ERICH1: variants seen among roughly 807,000 people sequenced by gnomAD.
ERICH1 encodes glutamate-rich protein 1.
Under a neutral mutation model 39.6 loss-of-function variants are expected in ERICH1, and 56 were observed. That is an observed-to-expected ratio of 1.41 (90% CI 1.14 to 1.77). The LOEUF (loss-of-function observed/expected upper bound fraction) is 1.77, where lower values mean the gene tolerates loss of function less well. Among genes scored for constraint, ERICH1 ranks in the 40% most tolerant of loss-of-function variants. ERICH1 has a pLI of 0.00. For synonymous variants in ERICH1, 313 were observed against 223.6 expected, an observed-to-expected ratio of 1.40 and a Z score of -3.57; for missense variants, 826 against 575.4, an observed-to-expected ratio of 1.44 and a Z score of -4.45.
At chr8:674,188 T>G (rs1325561553) in intron 3 of ERICH1, 141 bp from the exon 4 acceptor site, 2 of 990,528 alleles carry the variant, frequency 2.0e-6, no homozygotes, top group Admixed American at 3.2e-5. Context: ...ATTCTCAACT[T>G]TACCATCAAA....
chr8:671,856 T>C, intron 4 of ERICH1: 1 of 165,592 alleles, frequency 6.0e-6, no homozygotes, highest in Non-Finnish European at 1.3e-5. Flanking sequence ...ATGTCTGTGC[T>C]CACTGGGCTC....
At chr8:670,679 C>T (rs1164312549) in intron 4 of ERICH1, among the ~76,000 whole-genome samples, 3 of 152,182 alleles carry the variant, frequency 2.0e-5, no homozygotes, top group Non-Finnish European at 4.4e-5. Flanking sequence ...TCTCATCTTC[C>T]ACCCACAGCT....
chr8:719,617 T>C (rs1280711654), intron 1 of ERICH1, among the ~76,000 whole-genome samples: 1 of 152,204 alleles, frequency 6.6e-6, no homozygotes. Flanking sequence ...CACCCACTAA[T>C]TCTGGCATCC....
intron 3 of ERICH1, among the ~76,000 whole-genome samples, chr8:643,928 G>A (rs906380496): frequency 2.0e-5 from 3 of 152,248 alleles, no homozygotes; most frequent in African/African-American, 4.8e-5. Context: ...ACCCGGAATC[G>A]TGCTCCCAGC....
chr8:674,348 G>A (rs1804178355), intron 3 of ERICH1, among the ~76,000 whole-genome samples: 2 of 148,592 alleles, frequency 1.3e-5, no homozygotes, highest in South Asian at 2.1e-4. Flanking sequence ...TGCTGCACAG[G>A]CTGGAGTGCA....
chr8:700,227 G>GCGCACAGGCC (rs779410333), intron 2 of ERICH1, among the ~76,000 whole-genome samples: 2 of 65,254 alleles, frequency 3.1e-5, no homozygotes, highest in Admixed American at 3.6e-4. Context: ...ACCCGCACAC[G>GCGCACAGGCC]CGCACAGGCC....
chr8:685,150 T>G (rs1807015602), intron 3 of ERICH1, among the ~76,000 whole-genome samples: 1 of 152,198 alleles, frequency 6.6e-6, no homozygotes, highest in East Asian at 1.9e-4. Context: ...GCGGCCATTT[T>G]AGAGATCCCC....
At chr8:653,871 G>T (rs1800282912) in intron 3 of ERICH1, among the ~76,000 whole-genome samples, 1 of 133,538 alleles carries the variant, frequency 7.5e-6, no homozygotes, top group Non-Finnish European at 1.6e-5. Flanking sequence ...CATGCGCGCA[G>T]GGGAATCTGG....
intron 3 of ERICH1, among the ~76,000 whole-genome samples, chr8:650,649 C>T (rs1799827479): frequency 6.6e-6 from 1 of 152,302 alleles, no homozygotes; most frequent in South Asian, 2.1e-4. Flanking sequence ...TGCCATAGGG[C>T]AGGAGAGAAG....
At chr8:720,940 G>A (rs1231162661) in intron 1 of ERICH1, among the ~76,000 whole-genome samples, 1 of 152,136 alleles carries the variant, frequency 6.6e-6, no homozygotes, top group Non-Finnish European at 1.5e-5. Flanking sequence ...AGCACGTCCC[G>A]CACAATGCTT....
chr8:673,197 G>C, intron 4 of ERICH1, 92 bp downstream of exon 4: 2 of 1,379,972 alleles, frequency 1.4e-6, no homozygotes, highest in Non-Finnish European at 1.9e-6. Flanking sequence ...TATTTTTAAA[G>C]TATGTTTTAA....
At chr8:674,386 T>A (rs2131874139) in intron 3 of ERICH1, among the ~76,000 whole-genome samples, 1 of 137,238 alleles carries the variant, frequency 7.3e-6, no homozygotes, top group South Asian at 2.6e-4. Context: ...CACTGCAACC[T>A]CTGCCTCCCA....
At chr8:704,389 C>T (rs1202162141) in intron 2 of ERICH1, among the ~76,000 whole-genome samples, 2 of 152,238 alleles carry the variant, frequency 1.3e-5, no homozygotes, top group African/African-American at 2.4e-5. Context: ...AGATGAAGCT[C>T]ATTGACCCTG....
chr8:728,313 C>G (rs543912500), intron 1 of ERICH1, among the ~76,000 whole-genome samples: 1 of 152,204 alleles, frequency 6.6e-6, no homozygotes, highest in East Asian at 1.9e-4. Context: ...CTCACCAACA[C>G]GAGATGTCCT....
intron 3 of ERICH1, among the ~76,000 whole-genome samples, chr8:655,823 C>A (rs1335378980): frequency 6.6e-6 from 1 of 152,042 alleles, no homozygotes; most frequent in African/African-American, 2.4e-5. Flanking sequence ...GTATGTGCCT[C>A]ATTTTTAACT....
At chr8:696,968 C>T (rs975348286) in intron 2 of ERICH1, among the ~76,000 whole-genome samples, 8 of 151,620 alleles carry the variant, frequency 5.3e-5, no homozygotes, top group African/African-American at 1.7e-4. Flanking sequence ...CATCAGCCTG[C>T]ACCTGTGCTT....
At position 616,918 on chromosome 8, in the gene ERICH1, GAC is replaced by G. The variant is rs1491520616; in HGVS notation, c.977-1636_977-1635del. On this transcript the variant is annotated intron_variant, in intron 3 of 3. Transcript: ENST00000522706. ...ACACACACACAGAGAGAGAGAGAGA[GAC>G]AGAAAGAGACAGAGAGAGAGAGGGA... is the stretch of plus-strand genomic sequence containing the variant. Among the ~76,000 whole-genome samples the G allele has an allele frequency of 4.1e-3, 313 of 75,426 alleles. 77 individuals carry two copies. The highest frequency in any genetic ancestry group is 0.015 in the African/African-American group (200 of 13,302). The allele number at this position is 75,426 out of a possible 152,430, so 49.5% of individuals were successfully genotyped here.
intron 5 of ERICH1, 66 bp from the exon 6 acceptor site, chr8:664,742 T>C: frequency 7.3e-7 from 1 of 1,372,466 alleles, no homozygotes; most frequent in Non-Finnish European, 1.0e-6. Flanking sequence ...TAAGTTATTA[T>C]TATGTAGACA....
At chr8:695,452 C>G (rs1442635160) in intron 2 of ERICH1, among the ~76,000 whole-genome samples, 3 of 152,078 alleles carry the variant, frequency 2.0e-5, no homozygotes, top group East Asian at 3.9e-4. Flanking sequence ...GCCAGCCATC[C>G]CTGCCTCTGA....
Sources: allele counts gnomAD v4.1 joint callset (sites outside exome capture counted in the v4.1 genomes callset), GRCh38; gene constraint gnomAD v4.1.1; transcripts MANE v1.5; gene names NCBI Gene and HGNC (gene_info 2026-07-23, HGNC 2026-07-21).